The following ASTN2 variants were observed in gnomAD, a reference collection of about 807,000 sequenced individuals.
ASTN2 encodes astrotactin 2.
Under a neutral mutation model 139.8 loss-of-function variants are expected in ASTN2, and 54 were observed. The ratio of observed to expected loss-of-function variants is 0.39; its 90% CI spans 0.31 to 0.48. ASTN2 has a LOEUF of 0.48. Ranked by LOEUF, ASTN2 falls within the 20% of genes least tolerant of loss-of-function variation. The probability of loss-of-function intolerance (pLI) is 0.95; values close to 1 mark genes in which losing one functional copy is unlikely to be tolerated. For missense variants in ASTN2, 1,565 were observed against 1,725.1 expected, an observed-to-expected ratio of 0.91 and a Z score of 1.64; for synonymous variants, 756 against 719.5, an observed-to-expected ratio of 1.05 and a Z score of -0.81.
At chr9:116,883,505 C>A (rs1462281040) in intron 10 of ASTN2, among the ~76,000 whole-genome samples, 2 of 152,210 alleles carry the variant, frequency 1.3e-5, no homozygotes, top group African/African-American at 2.4e-5. Context: ...TCCTCACACA[C>A]ACACACTGGA....
rs564067106 is a variant in ASTN2, at chr9:117,156,316, T to C, written c.1016-14838A>G. ...CTATGATGCTGCAAAACAAACACTATTTATAACTCTCTTTAACAGATGGGA... is the reference window on the plus strand; with the variant it reads ...CTATGATGCTGCAAAACAAACACTACTTATAACTCTCTTTAACAGATGGGA... On this transcript the variant is annotated intron_variant, in intron 3 of 22. Transcript: ENST00000313400. Among the ~76,000 whole-genome samples the C allele has an allele frequency of 2.6e-5, 4 of 152,178 alleles. No homozygotes were observed. In the South Asian group the frequency reaches 8.3e-4, roughly 32 times the overall value.
chr9:117,067,037 T>G (rs1219577473), intron 5 of ASTN2, among the ~76,000 whole-genome samples: 2 of 91,630 alleles, frequency 2.2e-5, no homozygotes, highest in Admixed American at 2.6e-4. Context: ...AATTTTGTCT[T>G]TTGTTGCCAT....
In ASTN2 at chr9:117,031,283, C is replaced by T. The variant is rs145423233; in HGVS notation, c.1423+8536G>A. On this transcript the variant is annotated intron_variant, in intron 6 of 22. Coordinates refer to ENST00000313400, the MANE Select transcript of ASTN2 (RefSeq NM_001365068.1). ...TTCTTAGGGCTTCTGGGTCCACCGT[C>T]GGTCCTCCCTTACTTCGTTTTTTAC... 3.9e-5 allele frequency among the ~76,000 whole-genome samples: 6 copies of T among 152,252 alleles called. No individual in the cohort carries two copies. The East Asian group carries it at 9.7e-4, about 25-fold the overall frequency.
chr9:116,476,161 G>A (rs1848974728), intron 20 of ASTN2, among the ~76,000 whole-genome samples: 1 of 152,176 alleles, frequency 6.6e-6, no homozygotes, highest in African/African-American at 2.4e-5. Context: ...ATGGCCCGAG[G>A]TGTTCCTTGG....
chr9:117,005,802 T>C (rs183997761), intron 7 of ASTN2, among the ~76,000 whole-genome samples: 3 of 152,270 alleles, frequency 2.0e-5, no homozygotes, highest in Non-Finnish European at 2.9e-5. Flanking sequence ...TTGCTTCCTG[T>C]GACCCAGGGA....
chr9:117,322,519 G>T (rs541598475), intron 1 of ASTN2, among the ~76,000 whole-genome samples: 2 of 152,154 alleles, frequency 1.3e-5, no homozygotes, highest in African/African-American at 4.8e-5. Flanking sequence ...CACACAGGCA[G>T]CAAATGGCAC....
chr9:117,010,449 C>G (rs540118403), intron 6 of ASTN2, among the ~76,000 whole-genome samples: 67 of 152,232 alleles, frequency 4.4e-4, no homozygotes, highest in African/African-American at 1.5e-3. Context: ...TTTGGTTAAA[C>G]CCTCTACTTC....
intron 1 of ASTN2, among the ~76,000 whole-genome samples, chr9:117,365,752 G>A (rs1226292419): frequency 6.6e-6 from 1 of 152,214 alleles, no homozygotes; most frequent in Non-Finnish European, 1.5e-5. Flanking sequence ...AGTCCACAAT[G>A]TTCTGATGAT....
intron 1 of ASTN2, among the ~76,000 whole-genome samples, chr9:117,347,839 G>A (rs985731843): frequency 1.3e-5 from 2 of 152,122 alleles, no homozygotes; most frequent in Non-Finnish European, 2.9e-5. Flanking sequence ...GATGACAAGG[G>A]CACATGTGCT....
intron 13 of ASTN2, among the ~76,000 whole-genome samples, chr9:116,803,612 C>T (rs1211162079): frequency 1.3e-5 from 2 of 148,474 alleles, no homozygotes; most frequent in African/African-American, 4.9e-5. Context: ...GCAAGCTCCG[C>T]CTCCTGGGTT....
intron 16 of ASTN2, among the ~76,000 whole-genome samples, chr9:116,711,189 T>C (rs1302841515): frequency 6.6e-6 from 1 of 152,260 alleles, no homozygotes; most frequent in Admixed American, 6.5e-5. Flanking sequence ...CTTTCTGCTC[T>C]GGCGACTATG....
rs10983302 is a variant in ASTN2 at position 116,674,483 on chromosome 9, C to T, written c.2807-22690G>A. ...TCGCCCTCCCCCGGAGAGAGCCATC[C>T]TGCCCACAAATGATCAAAGGTTGGT... On this transcript the variant is annotated intron_variant, in intron 16 of 22. Coordinates refer to ENST00000313400, the MANE Select transcript of ASTN2 (RefSeq NM_001365068.1). Among the ~76,000 whole-genome samples, 797 of 152,330 alleles carry T rather than the reference C, an allele frequency of 5.2e-3. 5 individuals are homozygous for T. The highest frequency in any genetic ancestry group is 0.018 in the African/African-American group (761 of 41,578).
In ASTN2 at chr9:116,962,741, A is replaced by C. The variant is rs556312560; in HGVS notation, c.1889+12467T>G. On this transcript the variant is annotated intron_variant, in intron 10 of 22. Transcript: ENST00000313400. ...ACCCCAAAGTACTAGTGTTATTTGG[A>C]ACCGCGAGATAATGTGTGTTGTCAT... is the stretch of plus-strand genomic sequence containing the variant. Among the ~76,000 whole-genome samples the C allele has an allele frequency of 3.3e-5, 5 of 152,282 alleles. 1 individual carries two copies. The South Asian group carries it at 1.0e-3, about 32-fold the overall frequency.
chr9:116,635,715 A>G (rs1427951791), intron 17 of ASTN2, among the ~76,000 whole-genome samples: 6 of 152,162 alleles, frequency 3.9e-5, no homozygotes, highest in Admixed American at 3.9e-4. Flanking sequence ...ATTTCTGAAA[A>G]AGCTCCAGGT....
intron 16 of ASTN2, among the ~76,000 whole-genome samples, chr9:116,668,507 C>T (rs889466791): frequency 5.3e-5 from 8 of 152,148 alleles, no homozygotes; most frequent in Admixed American, 5.2e-4. Flanking sequence ...CTTTTACTTA[C>T]TAATATGCAT....
intron 2 of ASTN2, among the ~76,000 whole-genome samples, chr9:117,279,791 C>T (rs1834282305): frequency 6.6e-6 from 1 of 152,128 alleles, no homozygotes; most frequent in African/African-American, 2.4e-5. Flanking sequence ...AACCACAGAC[C>T]TTATACAAGT....
intron 13 of ASTN2, among the ~76,000 whole-genome samples, chr9:116,765,708 A>G (rs1380608119): frequency 1.3e-5 from 2 of 152,144 alleles, no homozygotes; most frequent in African/African-American, 4.8e-5. Flanking sequence ...TAAAAAATAG[A>G]AGGGAAAAAT....
intron 2 of ASTN2, among the ~76,000 whole-genome samples, chr9:117,239,590 C>A (rs543655515): frequency 1.3e-5 from 2 of 152,212 alleles, no homozygotes; most frequent in South Asian, 4.1e-4. Flanking sequence ...GATAACCCCC[C>A]TCCATCCCAT....
chr9:116,492,085 C>CTTT (rs796673453), intron 19 of ASTN2, among the ~76,000 whole-genome samples: 3 of 143,170 alleles, frequency 2.1e-5, no homozygotes, highest in Non-Finnish European at 3.1e-5. Context: ...GTTTTTCTCT[C>CTTT]TTTTTTTTTT....
Sources: allele counts gnomAD v4.1 joint callset (sites outside exome capture counted in the v4.1 genomes callset), GRCh38; gene constraint gnomAD v4.1.1; transcripts MANE v1.5; gene names NCBI Gene and HGNC (gene_info 2026-07-23, HGNC 2026-07-21).